Variants in CAMSAP2 observed in about 807,000 individuals in gnomAD.
The protein encoded by CAMSAP2 is calmodulin-regulated spectrin-associated protein 2.
A neutral mutation model predicts 146.1 loss-of-function variants in CAMSAP2; 26 were observed. The observed-to-expected ratio is 0.18, with a 90% CI of 0.13 to 0.25. The LOEUF is 0.25. Ranked by LOEUF, CAMSAP2 falls within the 10% of genes least tolerant of loss-of-function variation. The probability of loss-of-function intolerance (pLI) is 1.00; values close to 1 mark genes in which losing one functional copy is unlikely to be tolerated. For missense variants in CAMSAP2, 1,381 were observed against 1,759.3 expected, an observed-to-expected ratio of 0.78 and a Z score of 3.85; for synonymous variants, 499 against 596.6, an observed-to-expected ratio of 0.84 and a Z score of 2.38.
intron 1 of CAMSAP2, among the ~76,000 whole-genome samples, chr1:200,759,939 G>A (rs753919750): frequency 2.6e-5 from 4 of 152,174 alleles, no homozygotes; most frequent in East Asian, 1.9e-4. Context: ...TGTTTCTCTC[G>A]TTTGTTTTGG....
chr1:200,851,236 T>C (rs1003893917), intron 11 of CAMSAP2, among the ~76,000 whole-genome samples: 70 of 152,298 alleles, frequency 4.6e-4, no homozygotes, highest in African/African-American at 1.6e-3. Context: ...GCTTCGCTCT[T>C]GTTGCCCAGG....
At chr1:200,786,045 A>G (rs1665580764) in intron 2 of CAMSAP2, among the ~76,000 whole-genome samples, 1 of 152,164 alleles carries the variant, frequency 6.6e-6, no homozygotes, top group South Asian at 2.1e-4. Context: ...TAAATATGTC[A>G]ATTTATTGTC....
chr1:200,740,086 G>C, intron 1 of CAMSAP2, 120 bp downstream of exon 1: 1 of 1,052,024 alleles, frequency 9.5e-7, no homozygotes, highest in East Asian at 2.5e-5. Flanking sequence ...GGTTAAGGGA[G>C]ATGATGGGAG....
rs369920947 is a variant in CAMSAP2 at position 200,848,653 on chromosome 1, G to A, written c.1884G>A (p.Ser628=). The A allele has an allele frequency of 4.8e-5, 78 of 1,613,992 alleles. No individual in the cohort carries two copies. Among genetic ancestry groups the A allele is most frequent in the Admixed American group, 8.3e-5 (5 of 60,000 alleles). ...DIPETMDEDS[S]LRDYTVSLDS... is the part of the protein sequence containing the mutation. The stretch of plus-strand genomic sequence containing the variant: ...CTGAAACTATGGACGAAGATTCTTC[G>A]TTGAGAGATTATACTGTAAGCTTGG... The change falls in exon 11 of 17, where the codon TCG becomes TCA. Residue 628 remains serine, a synonymous_variant. Coordinates refer to ENST00000358823, the MANE Select transcript of CAMSAP2 (RefSeq NM_203459.4).
At chr1:200,829,165 CAAAAACAAAAAT>C (rs1005550064) in intron 4 of CAMSAP2, among the ~76,000 whole-genome samples, 12 of 152,052 alleles carry the variant, frequency 7.9e-5, no homozygotes, top group African/African-American at 2.7e-4. Flanking sequence ...AAAACAAAAA[CAAAAACAAAAAT>C]CTTACTATGT....
At chr1:200,785,945 C>T (rs901744250) in intron 2 of CAMSAP2, among the ~76,000 whole-genome samples, 1 of 152,208 alleles carries the variant, frequency 6.6e-6, no homozygotes, top group African/African-American at 2.4e-5. Flanking sequence ...CTGCCTTGGC[C>T]TCCCAAAGTG....
chr1:200,739,905 T>C lies in CAMSAP2; in HGVS notation c.78T>C (p.Asp26=), dbSNP rs1338959555. The change falls in exon 1 of 17, where the codon GAT becomes GAC. Residue 26 remains aspartate (D), a synonymous_variant. Coordinates refer to ENST00000358823, the MANE Select transcript of CAMSAP2 (RefSeq NM_203459.4). This position sits in a 1 kb window ranked among gnomAD's most constrained non-coding sequence, Gnocchi z 4.8. Reference sequence around the variant, plus strand: ...CCATCAAGCCTTTTGACCACTATGATTTCTCCAGGGCCAAAATCGCCTGCA... The same window carrying C: ...CCATCAAGCCTTTTGACCACTATGACTTCTCCAGGGCCAAAATCGCCTGCA... ...VPAIKPFDHY[D]FSRAKIACNL... is the part of the protein sequence containing the mutation. 1 of 1,614,148 alleles carries C rather than the reference T, an allele frequency of 6.2e-7. No homozygotes were observed. The highest frequency in any genetic ancestry group is 2.2e-5 in the East Asian group (1 of 44,866).
intron 4 of CAMSAP2, 69 bp downstream of exon 4, chr1:200,815,713 T>G (rs1349205265): frequency 6.5e-5 from 51 of 779,904 alleles, no homozygotes; most frequent in Admixed American, 5.4e-4. Flanking sequence ...TGTATTATTT[T>G]GGGAAATGTT....
chr1:200,745,950 A>G (rs1664309063), intron 1 of CAMSAP2, among the ~76,000 whole-genome samples: 1 of 152,226 alleles, frequency 6.6e-6, no homozygotes, highest in Admixed American at 6.5e-5. Context: ...ATTGACAGTT[A>G]AAAAGTTTTT....
Position 200,849,844 on chromosome 1 carries a change from T to C in CAMSAP2, c.3075T>C (p.Asp1025=). ...GGTCATTTGTATGTTTTGGGGATGA[T>C]GGAGAACCTCAGTTAAAGGAATCCA... ...QTRSFVCFGD[D]GEPQLKESKP... Residue 1025 remains aspartate (D), a synonymous_variant, in exon 11 of 17, where the codon GAT becomes GAC. Coordinates refer to ENST00000358823, the MANE Select transcript of CAMSAP2 (RefSeq NM_203459.4). The surrounding 1 kb of genome is among the most constrained non-coding windows in gnomAD (Gnocchi z 6.3). 1 of 1,614,126 alleles carries C rather than the reference T, an allele frequency of 6.2e-7. No homozygotes were observed. The highest frequency in any genetic ancestry group is 1.1e-5 in the South Asian group (1 of 91,074).
In CAMSAP2 at chr1:200,853,525, C is replaced by A; in HGVS notation, c.3823+30C>A. ...CATAGCTTATTATGAAGAGTCTGTT[C>A]ATAAAAAACACCAGCTTGATTGGTT... On this transcript the variant is annotated intron_variant, in intron 13 of 16. Coordinates refer to ENST00000358823, the MANE Select transcript of CAMSAP2 (RefSeq NM_203459.4). This position sits in a 1 kb window ranked among gnomAD's most constrained non-coding sequence, Gnocchi z 5.1. 6.7e-7 allele frequency: 1 copy of A among 1,497,856 alleles called. No individual in the cohort carries two copies. The allele number at this position is 1,497,856 out of a possible 1,614,324, so 92.8% of individuals were successfully genotyped here. A position where few individuals can be genotyped will look rare whatever the true frequency, so the allele number is the denominator to read the frequency against.
Position 200,738,942 on chromosome 1 carries a change from C to T in CAMSAP2, c.-886C>T, listed in dbSNP as rs191659067. 3.4e-3 allele frequency among the ~76,000 whole-genome samples: 520 copies of T among 151,834 alleles called. 11 individuals are homozygous for T. The highest frequency in any genetic ancestry group is 0.027 in the Admixed American group (412 of 15,254). ...CAGTGCCGCAGCCGGAAAACCGCAGCGGCGGCGGCGGCGGCTGAGGGGGAA... is the reference window on the plus strand; with the variant it reads ...CAGTGCCGCAGCCGGAAAACCGCAGTGGCGGCGGCGGCGGCTGAGGGGGAA... On this transcript the variant is annotated 5_prime_UTR_variant, in exon 1 of 17. Coordinates refer to ENST00000358823, the MANE Select transcript of CAMSAP2 (RefSeq NM_203459.4).
At chr1:200,817,200 G>A (rs866424917) in intron 4 of CAMSAP2, among the ~76,000 whole-genome samples, 1,145 of 63,306 alleles carry the variant, frequency 0.018, 15 homozygotes, top group African/African-American at 0.021. Flanking sequence ...ATGTGTGTGT[G>A]TATACACACA....
intron 1 of CAMSAP2, among the ~76,000 whole-genome samples, chr1:200,749,632 T>C (rs1365663299): frequency 6.6e-6 from 1 of 152,218 alleles, no homozygotes; most frequent in Non-Finnish European, 1.5e-5. Flanking sequence ...CAATTATATG[T>C]TTAACAAACT....
At position 200,815,645 on chromosome 1, in the gene CAMSAP2, G is replaced by A; in HGVS notation, c.645+1G>A. The A allele has an allele frequency of 6.5e-7, 1 of 1,536,860 alleles. No individual in the cohort carries two copies. Among genetic ancestry groups the A allele is most frequent in the Non-Finnish European group, 8.8e-7 (1 of 1,142,268 alleles). ...AGTTGAAGCTCCAGGAGGTCAAAAG[G>A]TATTTATTTCAAAAACAAAAAGGTG... On this transcript the variant is annotated splice_donor_variant, in intron 4 of 16. Transcript: ENST00000358823. LOFTEE classifies it high-confidence loss of function.
At chr1:200,792,089 G>A (rs1353809986) in intron 2 of CAMSAP2, among the ~76,000 whole-genome samples, 1 of 151,662 alleles carries the variant, frequency 6.6e-6, no homozygotes, top group Non-Finnish European at 1.5e-5. Context: ...AAGAAAGGTA[G>A]GTTAAATTGG....
At chr1:200,839,696 A>AG (rs1491196426) in intron 6 of CAMSAP2, among the ~76,000 whole-genome samples, 5 of 152,144 alleles carry the variant, frequency 3.3e-5, no homozygotes, top group Admixed American at 3.3e-4. Context: ...TTGGGGACTC[A>AG]GGGAAAAAAG....
intron 4 of CAMSAP2, among the ~76,000 whole-genome samples, chr1:200,817,682 G>A (rs75959858): frequency 2.4e-4 from 36 of 152,314 alleles, no homozygotes; most frequent in African/African-American, 7.7e-4. Flanking sequence ...AAGGAAAAGC[G>A]AAGCTGTTCT....
intron 2 of CAMSAP2, 73 bp from the exon 3 acceptor site, chr1:200,807,303 A>G: frequency 8.4e-7 from 1 of 1,192,284 alleles, no homozygotes; most frequent in Non-Finnish European, 1.1e-6. Flanking sequence ...GATGTCATTA[A>G]CATTTCAAAA....
Sources: gnomAD v4.1 joint callset for allele counts (sites outside exome capture counted in the v4.1 genomes callset) on GRCh38, gnomAD v4.1.1 for gene constraint, Gnocchi (gnomAD v3.1) non-coding constraint, MANE v1.5 for transcripts, NCBI Gene and HGNC (gene_info 2026-07-23, HGNC 2026-07-21) for gene names.